The following LINGO2 variants were observed in gnomAD, a reference collection of about 807,000 sequenced individuals.
LINGO2 encodes leucine-rich repeat and immunoglobulin-like domain-containing nogo receptor-interacting protein 2.
Under a neutral mutation model 30.6 loss-of-function variants are expected in LINGO2, and 14 were observed. That is an observed-to-expected ratio of 0.46 (90% CI 0.30 to 0.72). The LOEUF (loss-of-function observed/expected upper bound fraction) is 0.72, where lower values mean the gene tolerates loss of function less well. LINGO2 is among the 30% of genes least tolerant of loss of function. LINGO2 has a pLI of 0.07. For missense variants in LINGO2, 729 were observed against 751.7 expected, an observed-to-expected ratio of 0.97 and a Z score of 0.35; for synonymous variants, 317 against 288.5, an observed-to-expected ratio of 1.10 and a Z score of -1.00.
intron 1 of LINGO2, among the ~76,000 whole-genome samples, chr9:28,480,420 G>C (rs574371678): frequency 2.6e-5 from 4 of 152,132 alleles, no homozygotes; most frequent in East Asian, 3.9e-4. Flanking sequence ...TTCAAGAGCA[G>C]ATGGGAACAG....
the LINGO2 span, among the ~76,000 whole-genome samples, chr9:28,900,067 G>C: frequency 7.8e-3 from 1,192 of 152,252 alleles, 15 homozygotes; most frequent in Non-Finnish European, 0.012. Flanking sequence ...ACAGATACAG[G>C]CTCCAGGCTG....
the LINGO2 span, among the ~76,000 whole-genome samples, chr9:28,993,454 A>C: frequency 3.9e-4 from 60 of 152,236 alleles, no homozygotes; most frequent in African/African-American, 1.1e-3. Flanking sequence ...GGAACTGGTA[A>C]CATTCCTTCT....
intron 4 of LINGO2, among the ~76,000 whole-genome samples, chr9:28,140,589 A>T (rs1273099357): frequency 6.6e-6 from 1 of 152,220 alleles, no homozygotes; most frequent in Non-Finnish European, 1.5e-5. Context: ...GGCTATCTTC[A>T]TCTGGCAAAT....
the LINGO2 span, among the ~76,000 whole-genome samples, chr9:28,897,417 G>A: frequency 6.6e-6 from 1 of 152,226 alleles, no homozygotes. Context: ...ACCATATGAT[G>A]TATTTTGGTC....
At chr9:28,831,250 C>A in the LINGO2 span, among the ~76,000 whole-genome samples, 3 of 152,142 alleles carry the variant, frequency 2.0e-5, no homozygotes, top group African/African-American at 7.2e-5. Context: ...AGTAAGTTTA[C>A]AGGGAGTTTT....
At chr9:28,572,505 A>AT (rs1823744117) in intron 1 of LINGO2, among the ~76,000 whole-genome samples, 1 of 152,122 alleles carries the variant, frequency 6.6e-6, no homozygotes, top group African/African-American at 2.4e-5. Flanking sequence ...TCTGTGAAGC[A>AT]TAACAACAAG....
intron 4 of LINGO2, among the ~76,000 whole-genome samples, chr9:28,285,974 T>A (rs1421145890): frequency 2.0e-5 from 3 of 152,110 alleles, no homozygotes; most frequent in Admixed American, 2.0e-4. Flanking sequence ...AATTCAAAGT[T>A]TGTGAAAGCT....
chr9:29,113,191 T>C, the LINGO2 span, among the ~76,000 whole-genome samples: 13 of 152,282 alleles, frequency 8.5e-5, 1 homozygote, highest in East Asian at 2.5e-3. Context: ...TTATAACATG[T>C]CTGAATATGA....
At chr9:28,071,719 A>G (rs909009934) in intron 4 of LINGO2, among the ~76,000 whole-genome samples, 3 of 152,102 alleles carry the variant, frequency 2.0e-5, no homozygotes, top group Non-Finnish European at 4.4e-5. Flanking sequence ...AAAACTGGAT[A>G]TACATCCAGG....
At chr9:29,189,705 A>C in the LINGO2 span, among the ~76,000 whole-genome samples, 3 of 152,134 alleles carry the variant, frequency 2.0e-5, no homozygotes, top group Admixed American at 1.3e-4. Context: ...ACGCCACTGC[A>C]CTCCAGCCTG....
At chr9:27,955,935 C>CG (rs1819540643) in intron 5 of LINGO2, among the ~76,000 whole-genome samples, 1 of 106,774 alleles carries the variant, frequency 9.4e-6, no homozygotes, top group African/African-American at 3.3e-5. Context: ...TGGATACTGA[C>CG]TTTTTTTTTT....
rs1283279356 is a variant in LINGO2 at position 28,355,232 on chromosome 9, T to A, written c.-246+17604A>T. On this transcript the variant is annotated intron_variant, in intron 3 of 5. Coordinates refer to ENST00000379992, the Ensembl canonical transcript of LINGO2. ...AAATCTCAAAACCGTAATCTGTCTCTATCTCTCTCTGTCTCTCTCTCTGTC... is the reference window on the plus strand; with the variant it reads ...AAATCTCAAAACCGTAATCTGTCTCAATCTCTCTCTGTCTCTCTCTCTGTC... Among the ~76,000 whole-genome samples the A allele has an allele frequency of 1.3e-5, 2 of 149,436 alleles. 1 individual carries two copies. Among genetic ancestry groups the A allele is most frequent in the Admixed American group, 1.3e-4 (2 of 14,822 alleles).
intron 4 of LINGO2, among the ~76,000 whole-genome samples, chr9:28,111,446 C>A (rs937798955): frequency 2.0e-5 from 3 of 151,796 alleles, no homozygotes; most frequent in Admixed American, 2.0e-4. Flanking sequence ...TGACATCATG[C>A]GTTCCTCCTA....
chr9:29,191,370 T>G, the LINGO2 span, among the ~76,000 whole-genome samples: 1 of 152,162 alleles, frequency 6.6e-6, no homozygotes, highest in Non-Finnish European at 1.5e-5. Flanking sequence ...CAAATAGACT[T>G]TTAATAAATA....
chr9:28,985,914 G>C, the LINGO2 span, among the ~76,000 whole-genome samples: 2 of 151,950 alleles, frequency 1.3e-5, no homozygotes, highest in South Asian at 4.1e-4. Flanking sequence ...ACTTTGGGGG[G>C]TCAAATAAAA....
chr9:28,043,507 TTAA>T (rs1209217682), intron 4 of LINGO2, among the ~76,000 whole-genome samples: 1 of 152,212 alleles, frequency 6.6e-6, no homozygotes, highest in Non-Finnish European at 1.5e-5. Flanking sequence ...GCATGTTTGC[TTAA>T]TATTAGAAAA....
intron 1 of LINGO2, among the ~76,000 whole-genome samples, chr9:28,655,102 G>A (rs558627933): frequency 1.3e-5 from 2 of 152,126 alleles, no homozygotes; most frequent in Admixed American, 6.5e-5. Context: ...CATCCTGAAG[G>A]TGATTTCCCC....
the LINGO2 span, among the ~76,000 whole-genome samples, chr9:28,986,589 C>T: frequency 6.6e-6 from 1 of 151,896 alleles, no homozygotes; most frequent in Non-Finnish European, 1.5e-5. Flanking sequence ...AGTCCTTTAT[C>T]TCCCTGGTCA....
At chr9:28,143,623 G>C (rs977389935) in intron 4 of LINGO2, among the ~76,000 whole-genome samples, 2 of 152,112 alleles carry the variant, frequency 1.3e-5, no homozygotes. Flanking sequence ...TGACTAAGAA[G>C]ATGGTTTTCA....
Sources: gnomAD v4.1 joint callset for allele counts (sites outside exome capture counted in the v4.1 genomes callset) on GRCh38, gnomAD v4.1.1 for gene constraint, MANE v1.5 for transcripts, NCBI Gene and HGNC (gene_info 2026-07-23, HGNC 2026-07-21) for gene names.